Variants in ABCC1 observed in about 807,000 individuals in gnomAD.
The protein encoded by ABCC1 is multidrug resistance-associated protein 1.
Under a neutral mutation model 172.9 loss-of-function variants are expected in ABCC1, and 83 were observed. That is an observed-to-expected ratio of 0.48 (90% CI 0.40 to 0.58). ABCC1 has a LOEUF of 0.58. Among genes scored for constraint, ABCC1 ranks in the 20% least tolerant of loss-of-function variants. ABCC1 has a pLI of 0.00. For synonymous variants in ABCC1, 937 were observed against 825.2 expected (o/e 1.14, Z -2.32); for missense variants, 1,817 against 2,002.7 (o/e 0.91, Z 1.77).
chr16:16,079,528 G>C, intron 16 of ABCC1, 50 bp downstream of exon 16: 1 of 1,579,676 alleles, frequency 6.3e-7, no homozygotes, highest in Non-Finnish European at 8.6e-7. Flanking sequence ...GGTGGTCTGA[G>C]GAAAAGCTCA....
At chr16:16,133,432 C>G (rs1351474729) in intron 27 of ABCC1, among the ~76,000 whole-genome samples, 1 of 151,962 alleles carries the variant, frequency 6.6e-6, no homozygotes, top group African/African-American at 2.4e-5. Flanking sequence ...GAGACAGCCT[C>G]TCACTCTGTC....
At chr16:16,112,928 C>A (rs2044685081) in intron 22 of ABCC1, among the ~76,000 whole-genome samples, 3 of 152,150 alleles carry the variant, frequency 2.0e-5, no homozygotes, top group African/African-American at 7.2e-5. Context: ...TGGTAAGTGG[C>A]AGAGATGGGA....
intron 1 of ABCC1, among the ~76,000 whole-genome samples, chr16:15,990,014 T>A (rs1448371088): frequency 6.6e-6 from 1 of 152,078 alleles, no homozygotes; most frequent in Non-Finnish European, 1.5e-5. Context: ...GTAGGTGGGA[T>A]TACAGGTGTG....
chr16:15,983,072 A>T (rs2046664078), intron 1 of ABCC1, among the ~76,000 whole-genome samples: 1 of 152,158 alleles, frequency 6.6e-6, no homozygotes, highest in African/African-American at 2.4e-5. Context: ...TCTGATAAGT[A>T]CTTAGCAGGC....
At chr16:16,007,529 G>A (rs2047590211) in intron 1 of ABCC1, among the ~76,000 whole-genome samples, 1 of 152,172 alleles carries the variant, frequency 6.6e-6, no homozygotes, top group Admixed American at 6.5e-5. Flanking sequence ...TGACCTGTAT[G>A]CTCCTGTTAA....
chr16:16,070,197 T>C (rs2050286595), intron 13 of ABCC1, among the ~76,000 whole-genome samples: 1 of 150,078 alleles, frequency 6.7e-6, no homozygotes, highest in Non-Finnish European at 1.5e-5. Flanking sequence ...GCCTGGGCAA[T>C]GAGACCCTTA....
intron 1 of ABCC1, among the ~76,000 whole-genome samples, chr16:15,962,840 A>C (rs907013876): frequency 6.6e-6 from 1 of 152,146 alleles, no homozygotes; most frequent in African/African-American, 2.4e-5. Context: ...GAGCCGTGCC[A>C]TATCATTCTG....
chr16:16,005,256 T>G (rs1567304427), intron 1 of ABCC1, among the ~76,000 whole-genome samples: 1 of 151,726 alleles, frequency 6.6e-6, no homozygotes, highest in African/African-American at 2.4e-5. Context: ...CGCAGCCAAA[T>G]GGACAACTGG....
chr16:16,007,791 C>G, intron 1 of ABCC1, 25 bp from the exon 2 acceptor site: 2 of 1,595,504 alleles, frequency 1.3e-6, no homozygotes, highest in Non-Finnish European at 1.7e-6. Context: ...TCCTGCTGAC[C>G]CCTCGCCTGT....
chr16:15,986,678 C>T (rs1008157524), intron 1 of ABCC1, among the ~76,000 whole-genome samples: 6 of 152,206 alleles, frequency 3.9e-5, no homozygotes, highest in African/African-American at 9.7e-5. Flanking sequence ...CTGGGACATT[C>T]TCCCCATTCC....
chr16:16,138,422 C>G lies in ABCC1; in HGVS notation c.4351C>G (p.Leu1451Val). 6.2e-7 allele frequency: 1 copy of G among 1,612,082 alleles called. No individual in the cohort carries two copies. Among genetic ancestry groups the G allele is most frequent in the Non-Finnish European group, 8.5e-7 (1 of 1,178,372 alleles). ...GGCCCTGCTGAGGAAGACGAAGATCCTTGTGTTGGATGAGGCCACGGCAGC... is the reference window on the plus strand; with the variant it reads ...GGCCCTGCTGAGGAAGACGAAGATCGTTGTGTTGGATGAGGCCACGGCAGC... ...ARALLRKTKI[L>V]VLDEATAAVD... The change falls in exon 30 of 31, where the codon CTT becomes GTT. Residue 1451 changes from leucine (L) to valine (V), a missense_variant. Leu to Val is a conservative substitution (Grantham distance 32, BLOSUM62 1). Around this residue, in one of 3 missense-constraint regions of ABCC1, gnomAD observed 1,412 missense variants for 1,600.3 expected, o/e 0.88. Transcript: ENST00000399410.
intron 1 of ABCC1, among the ~76,000 whole-genome samples, chr16:15,963,676 C>T (rs2046185955): frequency 6.6e-6 from 1 of 152,212 alleles, no homozygotes; most frequent in Admixed American, 6.5e-5. Flanking sequence ...TGTACCTTGG[C>T]TCCTCTTAGC....
At chr16:16,042,464 G>A (rs1368745549) in intron 7 of ABCC1, among the ~76,000 whole-genome samples, 3 of 151,970 alleles carry the variant, frequency 2.0e-5, no homozygotes, top group African/African-American at 7.3e-5. Context: ...GCACTTTGGG[G>A]GCCCAAGGCA....
chr16:15,949,719 C>G lies in ABCC1; in HGVS notation c.-33C>G. The G allele has an allele frequency of 8.9e-7, 1 of 1,126,884 alleles. No homozygotes were observed. The highest frequency in any genetic ancestry group is 1.1e-6 in the Non-Finnish European group (1 of 919,904). The allele number at this position is 1,126,884 out of a possible 1,614,324, so 69.8% of individuals were successfully genotyped here. On this transcript the variant is annotated 5_prime_UTR_variant, in exon 1 of 31. Coordinates refer to ENST00000399410, the MANE Select transcript of ABCC1 (RefSeq NM_004996.4). ...CCAGCAACCGGGCCCGATCACCCGCCGCCCGGTGCCCGCCGCCGCCCGCGC... is the reference window on the plus strand; with the variant it reads ...CCAGCAACCGGGCCCGATCACCCGCGGCCCGGTGCCCGCCGCCGCCCGCGC...
intron 19 of ABCC1, among the ~76,000 whole-genome samples, chr16:16,095,421 G>A (rs1009327055): frequency 6.6e-6 from 1 of 152,242 alleles, no homozygotes; most frequent in Non-Finnish European, 1.5e-5. Flanking sequence ...ATGTTGGGAT[G>A]TCAAAACTGG....
At chr16:16,103,470 C>A (rs925610833) in intron 20 of ABCC1, among the ~76,000 whole-genome samples, 1 of 151,922 alleles carries the variant, frequency 6.6e-6, no homozygotes, top group Non-Finnish European at 1.5e-5. Context: ...GTCCCAGCTA[C>A]TCGGGAGGCT....
At chr16:16,115,548 T>C (rs1200287071) in intron 23 of ABCC1, among the ~76,000 whole-genome samples, 1 of 151,922 alleles carries the variant, frequency 6.6e-6, no homozygotes, top group Non-Finnish European at 1.5e-5. Flanking sequence ...GTTTCACCAG[T>C]GTTGGCCAGG....
At chr16:16,025,775 G>A (rs986378796) in intron 5 of ABCC1, among the ~76,000 whole-genome samples, 1 of 152,206 alleles carries the variant, frequency 6.6e-6, no homozygotes, top group Non-Finnish European at 1.5e-5. Context: ...GGATGCCAAA[G>A]AACACATCAC....
At chr16:15,985,295 G>T (rs2046718361) in intron 1 of ABCC1, among the ~76,000 whole-genome samples, 1 of 152,198 alleles carries the variant, frequency 6.6e-6, no homozygotes, top group Non-Finnish European at 1.5e-5. Context: ...TGGAGGTGCT[G>T]TTGGGCTCAG....
Sources: gnomAD v4.1 joint callset for allele counts (sites outside exome capture counted in the v4.1 genomes callset) on GRCh38, gnomAD v4.1.1 for gene constraint, gnomAD v4.1.1 regional missense constraint, MANE v1.5 for transcripts, NCBI Gene and HGNC (gene_info 2026-07-23, HGNC 2026-07-21) for gene names.